The following BACE2 variants were observed in gnomAD, a reference collection of about 807,000 sequenced individuals.
The protein encoded by BACE2 is 56 kDa aspartic-like protease.
In BACE2, 17 loss-of-function variants were observed where a neutral mutation model predicts 46.2. The observed-to-expected ratio is 0.37, with a 90% CI of 0.25 to 0.55. The LOEUF is 0.55. Ranked by LOEUF, BACE2 falls within the 20% of genes least tolerant of loss-of-function variation. BACE2 has a pLI of 0.82. For missense variants in BACE2, 595 were observed against 698.1 expected, an observed-to-expected ratio of 0.85 and a Z score of 1.66; for synonymous variants, 277 against 295.9, an observed-to-expected ratio of 0.94 and a Z score of 0.66.
Position 41,193,839 on chromosome 21 carries a change from G to T in BACE2, c.312+25264G>T, listed in dbSNP as rs1261820994. ...ACTGGAGGACCACAGTGACATTTTG[G>T]GTCCTCTGGAATTAACGTCAGCTCA... On this transcript the variant is annotated intron_variant, in intron 1 of 8. Transcript: ENST00000330333. This position sits in a 1 kb window ranked among gnomAD's most constrained non-coding sequence, Gnocchi z 4.2. 6.6e-6 allele frequency among the ~76,000 whole-genome samples: 1 copy of T among 152,106 alleles called. No individual in the cohort carries two copies. The highest frequency in any genetic ancestry group is 1.5e-5 in the Non-Finnish European group (1 of 68,024).
intron 8 of BACE2, among the ~76,000 whole-genome samples, chr21:41,262,528 A>T (rs1205078309): frequency 1.3e-5 from 2 of 151,966 alleles, no homozygotes; most frequent in Admixed American, 6.6e-5. Flanking sequence ...TTGCCCTTTT[A>T]TTCAACTTGT....
At chr21:41,271,217 A>G (rs2088430976) in intron 8 of BACE2, among the ~76,000 whole-genome samples, 1 of 148,078 alleles carries the variant, frequency 6.8e-6, no homozygotes, top group African/African-American at 2.7e-5. Context: ...TGTAGGGAGA[A>G]TATACTTGGA....
At chr21:41,222,111 CT>C (rs772032752) in intron 1 of BACE2, among the ~76,000 whole-genome samples, 29 of 152,218 alleles carry the variant, frequency 1.9e-4, no homozygotes, top group Non-Finnish European at 3.8e-4. Context: ...GCAAGTCAGA[CT>C]CTCTGCACCT....
chr21:41,237,657 A>T lies in BACE2; in HGVS notation c.546A>T (p.Glu182Asp), dbSNP rs764064350. 1.2e-6 allele frequency: 2 copies of T among 1,614,184 alleles called. No individual in the cohort carries two copies. The highest frequency in any genetic ancestry group is 1.7e-6 in the Non-Finnish European group (2 of 1,180,020). ...TTGTCAACATTGCCACTATTTTTGA[A>T]TCAGAGAATTTCTTTTTGCCTGGGA... ...SFLVNIATIF[E>D]SENFFLPGIK... Residue 182 changes from glutamate (E) to aspartate (D), a missense_variant, in exon 3 of 9, where the codon GAA becomes GAT. Physicochemically the swap from Glu to Asp is conservative, Grantham distance 45 (BLOSUM62 2). Transcript: ENST00000330333.
intron 1 of BACE2, among the ~76,000 whole-genome samples, chr21:41,214,671 C>T (rs955145085): frequency 1.3e-5 from 2 of 152,232 alleles, no homozygotes; most frequent in Non-Finnish European, 2.9e-5. Flanking sequence ...CCCTTCACTG[C>T]ATGAACGTCT....
intron 1 of BACE2, among the ~76,000 whole-genome samples, chr21:41,205,812 C>T (rs536944924): frequency 6.6e-6 from 1 of 152,272 alleles, no homozygotes; most frequent in African/African-American, 2.4e-5. Context: ...GGTCTTCCGT[C>T]TTAACATCGG....
chr21:41,237,096 C>G (rs562066238), intron 2 of BACE2, among the ~76,000 whole-genome samples: 1 of 152,152 alleles, frequency 6.6e-6, no homozygotes, highest in African/African-American at 2.4e-5. Flanking sequence ...TTTAGGATAG[C>G]TGCCTTGGAC....
At chr21:41,223,591 C>T (rs1481087856) in intron 1 of BACE2, among the ~76,000 whole-genome samples, 1 of 152,192 alleles carries the variant, frequency 6.6e-6, no homozygotes, top group Non-Finnish European at 1.5e-5. Context: ...GCATTTTCGT[C>T]TCCCTGGAAG....
At chr21:41,242,856 T>TG (rs1410219700) in intron 4 of BACE2, among the ~76,000 whole-genome samples, 2 of 152,218 alleles carry the variant, frequency 1.3e-5, no homozygotes, top group African/African-American at 4.8e-5. Context: ...TAATACCATC[T>TG]GACCTTTGCA....
chr21:41,198,288 G>GC (rs1438746628), intron 1 of BACE2, among the ~76,000 whole-genome samples: 1 of 152,126 alleles, frequency 6.6e-6, no homozygotes, highest in Non-Finnish European at 1.5e-5. Flanking sequence ...ACTGTGCCCA[G>GC]CCCCCAAAAT....
intron 1 of BACE2, among the ~76,000 whole-genome samples, chr21:41,204,125 T>C (rs1354206331): frequency 6.6e-6 from 1 of 152,222 alleles, no homozygotes; most frequent in Non-Finnish European, 1.5e-5. Flanking sequence ...CAAGCAATTC[T>C]CCTGCTTCAG....
chr21:41,240,051 T>G (rs961546464), intron 3 of BACE2, among the ~76,000 whole-genome samples: 1 of 152,256 alleles, frequency 6.6e-6, no homozygotes, highest in Non-Finnish European at 1.5e-5. Flanking sequence ...TTTATGAAAT[T>G]CCAAGATTAC....
Position 41,257,079 on chromosome 21 carries a change from G to A in BACE2, c.1135-79G>A, listed in dbSNP as rs561471763. On this transcript the variant is annotated intron_variant, in intron 7 of 8. Coordinates refer to ENST00000330333, the MANE Select transcript of BACE2 (RefSeq NM_012105.5). Reference sequence around the variant, plus strand: ...GCGCCTGGGAGGGTCCTGAGCATGCGTGTGACCTCAGCAATTTTGTGATAC... The same window carrying A: ...GCGCCTGGGAGGGTCCTGAGCATGCATGTGACCTCAGCAATTTTGTGATAC... The A allele has an allele frequency of 1.5e-3, 2,315 of 1,559,018 alleles. 8 individuals are homozygous for A. Among genetic ancestry groups the A allele is most frequent in the Non-Finnish European group, 1.4e-3 (1,580 of 1,138,180 alleles).
chr21:41,207,784 C>T (rs1183902768), intron 1 of BACE2, among the ~76,000 whole-genome samples: 1 of 152,238 alleles, frequency 6.6e-6, no homozygotes, highest in Non-Finnish European at 1.5e-5. Flanking sequence ...CTGCTTACGG[C>T]TGCTCCCCTT....
chr21:41,169,652 C>A (rs1329194398), intron 1 of BACE2, among the ~76,000 whole-genome samples: 3 of 152,098 alleles, frequency 2.0e-5, no homozygotes, highest in African/African-American at 7.2e-5. Flanking sequence ...GTATAATTCT[C>A]ATTAAATTAT....
intron 1 of BACE2, among the ~76,000 whole-genome samples, chr21:41,211,139 C>G (rs1986287624): frequency 6.6e-6 from 1 of 152,100 alleles, no homozygotes; most frequent in African/African-American, 2.4e-5. Context: ...ATTCCAGAAT[C>G]AGGCAGCCAA....
chr21:41,207,650 C>T (rs1888519), intron 1 of BACE2, among the ~76,000 whole-genome samples: 5,498 of 147,232 alleles, frequency 0.037, 284 homozygotes, highest in African/African-American at 0.14. Flanking sequence ...CCTCCTGGTG[C>T]AGGAGGGACT....
At position 41,273,826 on chromosome 21, in the gene BACE2, C is replaced by T. The variant is rs192917731; in HGVS notation, c.1304-1545C>T. Among the ~76,000 whole-genome samples the T allele has an allele frequency of 3.5e-3, 535 of 152,206 alleles. 4 individuals carry two copies. The highest frequency in any genetic ancestry group is 0.024 in the Middle Eastern group (7 of 294). On this transcript the variant is annotated intron_variant, in intron 8 of 8. Transcript: ENST00000330333. ...GTTCAGAGATTGCAGTAAAGACAGG[C>T]GTAAGAAATTATAAAAGTACTAATT...
intron 1 of BACE2, among the ~76,000 whole-genome samples, chr21:41,199,413 G>C (rs1985872286): frequency 1.3e-5 from 2 of 152,124 alleles, no homozygotes; most frequent in African/African-American, 4.8e-5. Context: ...GGGTCTGCAA[G>C]ATGCTGAGGA....
Sources: allele counts gnomAD v4.1 joint callset (sites outside exome capture counted in the v4.1 genomes callset), GRCh38; gene constraint gnomAD v4.1.1; non-coding constraint Gnocchi (gnomAD v3.1); transcripts MANE v1.5; gene names NCBI Gene and HGNC (gene_info 2026-07-23, HGNC 2026-07-21).